The following KRCC1 variants were observed in gnomAD, a reference collection of about 807,000 sequenced individuals.
KRCC1 encodes the protein lysine rich coiled-coil 1, also known as lysine-rich coiled-coil protein 1.
A neutral mutation model predicts 7.4 loss-of-function variants in KRCC1; 3 were observed. The ratio of observed to expected loss-of-function variants is 0.40; its 90% CI spans 0.18 to 1.04. The LOEUF is 1.04. Among genes scored for constraint, KRCC1 ranks in the 50% least tolerant of loss-of-function variants. The pLI is 0.33. For synonymous variants in KRCC1, 102 were observed against 101.6 expected, an observed-to-expected ratio of 1.00 and a Z score of -0.02; for missense variants, 277 against 300.9, an observed-to-expected ratio of 0.92 and a Z score of 0.59.
rs1298734471 is a variant in KRCC1, at chr2:88,027,660, T to C, written c.*124A>G. 3.9e-6 allele frequency: 3 copies of C among 764,942 alleles called. No homozygotes were observed. Among genetic ancestry groups the C allele is most frequent in the East Asian group, 2.6e-5 (1 of 38,798 alleles). The allele number at this position is 764,942 out of a possible 1,614,324, so 47.4% of individuals were successfully genotyped here. On this transcript the variant is annotated 3_prime_UTR_variant, in exon 4 of 4. Coordinates refer to ENST00000347055, the MANE Select transcript of KRCC1 (RefSeq NM_016618.3). ...CAAGCATGCTAAACACTTTGTTTAC[T>C]AGGCCTTTGTTAGAAGTTAAAGAAC...
At chr2:88,055,431 C>T (rs1030728373) in intron 1 of KRCC1, among the ~76,000 whole-genome samples, 195 bp downstream of exon 1, 5 of 152,000 alleles carry the variant, frequency 3.3e-5, no homozygotes, top group Non-Finnish European at 7.4e-5. Context: ...CCTCCGCACT[C>T]CACTCGGAAG....
intron 1 of KRCC1, among the ~76,000 whole-genome samples, chr2:88,040,639 G>C (rs989603837): frequency 7.9e-5 from 12 of 152,148 alleles, no homozygotes; most frequent in Non-Finnish European, 4.4e-5. Flanking sequence ...ATTAAACCTT[G>C]GTTTATCTCA....
rs1359954505 is a variant in KRCC1 at position 88,034,189 on chromosome 2, A to C, written c.-78T>G. 2.6e-5 allele frequency: 4 copies of C among 152,616 alleles called. No individual in the cohort carries two copies. In the East Asian group the frequency reaches 7.7e-4, roughly 29 times the overall value. 9.5% of individuals were successfully genotyped at this position (152,616 alleles called of 1,614,324 possible). A position where few individuals can be genotyped will look rare whatever the true frequency, so the allele number is the denominator to read the frequency against. ...TCTGATCATATTCACTCAGTTTTTCAGCATGAATTTTCAAATAGTGAGACT... is the reference window on the plus strand; with the variant it reads ...TCTGATCATATTCACTCAGTTTTTCCGCATGAATTTTCAAATAGTGAGACT... On this transcript the variant is annotated 5_prime_UTR_variant, in exon 3 of 4. Transcript: ENST00000347055.
rs1367629796 is a variant in KRCC1, at chr2:88,028,403, G to A, written c.161C>T (p.Pro54Leu). ...CGYKGEVNSR[P>L]TYRMFDQRLP... ...TCTCTGGTCAAACATTCTATACGTG[G>A]GTCTGGAATTAACCTCTCCTTTGTA... Residue 54 changes from proline to leucine, a missense_variant, in exon 4 of 4, where the codon CCC (proline) becomes CTC (leucine). Pro to Leu is a moderately conservative substitution (Grantham distance 98). Coordinates refer to ENST00000347055, the MANE Select transcript of KRCC1 (RefSeq NM_016618.3). The A allele has an allele frequency of 6.2e-7, 1 of 1,613,804 alleles. No individual in the cohort carries two copies. Among genetic ancestry groups the A allele is most frequent in the Non-Finnish European group, 8.5e-7 (1 of 1,179,984 alleles).
intron 1 of KRCC1, among the ~76,000 whole-genome samples, chr2:88,042,803 G>A (rs901653492): frequency 1.3e-5 from 2 of 152,136 alleles, no homozygotes; most frequent in African/African-American, 4.8e-5. Flanking sequence ...TTCAGTCTAT[G>A]ACTTCATTCA....
intron 1 of KRCC1, among the ~76,000 whole-genome samples, chr2:88,050,514 G>A (rs187882875): frequency 5.0e-4 from 76 of 152,238 alleles, no homozygotes; most frequent in Middle Eastern, 3.4e-3. Flanking sequence ...TCCCAGCTAC[G>A]TGGGAGGCAG....
chr2:88,042,184 C>T (rs1365760307), intron 1 of KRCC1, among the ~76,000 whole-genome samples: 1 of 151,626 alleles, frequency 6.6e-6, no homozygotes, highest in African/African-American at 2.4e-5. Context: ...ACTCAGCCTC[C>T]TGAGTAGCTG....
At chr2:88,029,444 A>G (rs79531791) in intron 3 of KRCC1, among the ~76,000 whole-genome samples, 3,296 of 152,264 alleles carry the variant, frequency 0.022, 213 homozygotes, top group East Asian at 0.13. Flanking sequence ...TCAGAAATTC[A>G]GTTATAAGAT....
chr2:88,048,257 T>C (rs1242779844), intron 1 of KRCC1, among the ~76,000 whole-genome samples: 1 of 152,040 alleles, frequency 6.6e-6, no homozygotes, highest in Non-Finnish European at 1.5e-5. Flanking sequence ...TAATTTTGTA[T>C]TTTTAGTAGA....
At chr2:88,050,395 C>T (rs947397249) in intron 1 of KRCC1, among the ~76,000 whole-genome samples, 4 of 152,102 alleles carry the variant, frequency 2.6e-5, no homozygotes, top group African/African-American at 9.7e-5. Context: ...CTGAGGTAGG[C>T]AGATCACTTG....
At chr2:88,039,938 G>C (rs1377285598) in intron 1 of KRCC1, among the ~76,000 whole-genome samples, 1 of 151,972 alleles carries the variant, frequency 6.6e-6, no homozygotes, top group Non-Finnish European at 1.5e-5. Flanking sequence ...GCTGAGCTGG[G>C]AGGATTGCTT....
intron 1 of KRCC1, among the ~76,000 whole-genome samples, chr2:88,045,809 G>A (rs1379350517): frequency 1.3e-5 from 2 of 151,770 alleles, no homozygotes; most frequent in African/African-American, 4.8e-5. Flanking sequence ...TAAGCCTCCC[G>A]AGTAGCTGGG....
At chr2:88,043,817 G>A (rs1167124456) in intron 1 of KRCC1, among the ~76,000 whole-genome samples, 1 of 152,162 alleles carries the variant, frequency 6.6e-6, no homozygotes, top group Admixed American at 6.5e-5. Flanking sequence ...TTACAGGCAT[G>A]TGCCAGCAAG....
chr2:88,047,949 TCTAATAAATACA>T (rs1203793473), intron 1 of KRCC1, among the ~76,000 whole-genome samples: 5 of 152,196 alleles, frequency 3.3e-5, no homozygotes, highest in African/African-American at 4.8e-5. Context: ...CTTCTTCCTC[TCTAATAAATACA>T]CCAAATTACT....
At chr2:88,039,977 C>T (rs1329701658) in intron 1 of KRCC1, among the ~76,000 whole-genome samples, 1 of 152,012 alleles carries the variant, frequency 6.6e-6, no homozygotes, top group Non-Finnish European at 1.5e-5. Context: ...CCAGCCTGGG[C>T]AACACATTGA....
rs566022599 is a variant in KRCC1, at chr2:88,043,045, G to A, written c.-290-5994C>T. Among the ~76,000 whole-genome samples the A allele has an allele frequency of 2.0e-5, 3 of 152,072 alleles. No individual in the cohort carries two copies. In the South Asian group the frequency reaches 6.2e-4, roughly 32 times the overall value. On this transcript the variant is annotated intron_variant, in intron 1 of 3. Coordinates refer to ENST00000347055, the MANE Select transcript of KRCC1 (RefSeq NM_016618.3). ...TACTCCCTACTACTCTCCTTCTTAC[G>A]GGTCTGATCTGTTTGTACTACACTG...
chr2:88,041,653 G>A (rs543035594), intron 1 of KRCC1, among the ~76,000 whole-genome samples: 4 of 152,264 alleles, frequency 2.6e-5, no homozygotes, highest in African/African-American at 7.2e-5. Context: ...AAGAAAGCTC[G>A]GTAGTGAACT....
chr2:88,040,766 T>A (rs1307754267), intron 1 of KRCC1, among the ~76,000 whole-genome samples: 1 of 152,122 alleles, frequency 6.6e-6, no homozygotes, highest in Non-Finnish European at 1.5e-5. Context: ...AGAACTATGA[T>A]GCAAGACAAA....
chr2:88,030,704 TG>T (rs1672975513), intron 3 of KRCC1, among the ~76,000 whole-genome samples: 1 of 152,220 alleles, frequency 6.6e-6, no homozygotes, highest in Non-Finnish European at 1.5e-5. Context: ...GAATGTAAAA[TG>T]GTACAACCAC....
Sources: gnomAD v4.1 joint callset for allele counts (sites outside exome capture counted in the v4.1 genomes callset) on GRCh38, gnomAD v4.1.1 for gene constraint, MANE v1.5 for transcripts, NCBI Gene and HGNC (gene_info 2026-07-23, HGNC 2026-07-21) for gene names.